CCDC12: variants seen among roughly 807,000 people sequenced by gnomAD.
The protein encoded by CCDC12 is coiled-coil domain-containing protein 12.
In CCDC12, 28 loss-of-function variants were observed where a neutral mutation model predicts 25.7. That is an observed-to-expected ratio of 1.09 (90% confidence interval 0.81 to 1.50). The LOEUF is 1.50. Among genes scored for constraint, CCDC12 ranks in the 40% most tolerant of loss-of-function variants. CCDC12 has a pLI of 0.00. For synonymous variants in CCDC12, 75 were observed against 87.7 expected (o/e 0.86, Z 0.81); for missense variants, 198 against 210.0 (o/e 0.94, Z 0.35).
chr3:46,946,224 C>T (rs2033901600), intron 1 of CCDC12, among the ~76,000 whole-genome samples: 1 of 152,230 alleles, frequency 6.6e-6, no homozygotes, highest in Non-Finnish European at 1.5e-5. Flanking sequence ...TGGGCCAGGT[C>T]TACCTTGGGC....
intron 1 of CCDC12, among the ~76,000 whole-genome samples, chr3:46,961,036 G>A (rs371189987): frequency 4.6e-5 from 7 of 151,870 alleles, no homozygotes; most frequent in African/African-American, 1.7e-4. Flanking sequence ...GTACTATTGT[G>A]GGGGGAAGTG....
chr3:46,928,596 C>T (rs1346933841), intron 2 of CCDC12, among the ~76,000 whole-genome samples: 5 of 152,136 alleles, frequency 3.3e-5, no homozygotes. Flanking sequence ...TTCTCAACTG[C>T]AACTATGGAA....
At chr3:46,963,648 G>A (rs1322162573) in intron 1 of CCDC12, among the ~76,000 whole-genome samples, 1 of 152,140 alleles carries the variant, frequency 6.6e-6, no homozygotes. Context: ...GGTGGAGACC[G>A]GGTTTCGCTG....
intron 3 of CCDC12, chr3:46,924,117 A>C (rs560571004): frequency 1.3e-5 from 2 of 156,412 alleles, no homozygotes; most frequent in African/African-American, 4.8e-5. Context: ...GGGCACAGGC[A>C]CCTCCCAGCT....
chr3:46,970,840 A>G (rs1410321798), intron 1 of CCDC12, among the ~76,000 whole-genome samples: 1 of 152,160 alleles, frequency 6.6e-6, no homozygotes, highest in Non-Finnish European at 1.5e-5. Flanking sequence ...CCAGAGTTTC[A>G]TCCACACAGC....
intron 1 of CCDC12, among the ~76,000 whole-genome samples, chr3:46,955,159 G>A (rs1189352880): frequency 1.3e-5 from 2 of 152,106 alleles, no homozygotes; most frequent in African/African-American, 2.4e-5. Context: ...TGTTAGCATC[G>A]CCACAGCCTG....
At chr3:46,977,217 G>T (rs369759806), upstream of CCDC12, among the ~76,000 whole-genome samples, 4 of 152,152 alleles carry the variant, frequency 2.6e-5, no homozygotes, top group Admixed American at 1.3e-4. Flanking sequence ...GCTCACGCCT[G>T]TAATCCCAGC....
At chr3:46,968,928 T>C in intron 1 of CCDC12, among the ~76,000 whole-genome samples, 1 of 152,198 alleles carries the variant, frequency 6.6e-6, no homozygotes, top group Non-Finnish European at 1.5e-5. Flanking sequence ...GCTTCAGGGA[T>C]GGAACACGAT....
intron 2 of CCDC12, among the ~76,000 whole-genome samples, chr3:46,938,431 G>C (rs2033543231): frequency 2.0e-5 from 3 of 151,558 alleles, no homozygotes; most frequent in African/African-American, 7.3e-5. Context: ...GAAAAGTCCG[G>C]AGAATAACCT....
At position 46,921,986 on chromosome 3, in the gene CCDC12, G is replaced by T. The variant is rs1024784174; in HGVS notation, c.*71C>A. On this transcript the variant is annotated 3_prime_UTR_variant, in exon 7 of 7. Transcript: ENST00000683445. The stretch of plus-strand genomic sequence containing the variant: ...CAAACTGGAGGTGATGGCAAGCCTA[G>T]CCCCCATCCCTGCCCAAGACCATCC... 2.0e-6 allele frequency: 3 copies of T among 1,533,702 alleles called. No individual in the cohort carries two copies. The highest frequency in any genetic ancestry group is 2.7e-6 in the Non-Finnish European group (3 of 1,112,396).
chr3:46,938,870 A>G (rs1409049578), intron 2 of CCDC12, among the ~76,000 whole-genome samples: 1 of 152,024 alleles, frequency 6.6e-6, no homozygotes, highest in Non-Finnish European at 1.5e-5. Context: ...GAAAAAAAAA[A>G]TCACACATCA....
intron 1 of CCDC12, among the ~76,000 whole-genome samples, chr3:46,957,295 T>C (rs1302855156): frequency 2.0e-5 from 3 of 152,198 alleles, no homozygotes; most frequent in South Asian, 4.1e-4. Flanking sequence ...CTAACTGTAG[T>C]ATCTAGTACT....
At chr3:46,931,382 G>C (rs1284563284) in intron 2 of CCDC12, among the ~76,000 whole-genome samples, 1 of 152,208 alleles carries the variant, frequency 6.6e-6, no homozygotes, top group Non-Finnish European at 1.5e-5. Context: ...TATAGAACCA[G>C]AGTAGAGTTC....
intron 1 of CCDC12, among the ~76,000 whole-genome samples, chr3:46,959,420 G>A (rs1362509063): frequency 2.0e-5 from 3 of 152,170 alleles, no homozygotes; most frequent in African/African-American, 7.2e-5. Flanking sequence ...CACAGAGTAC[G>A]TCCTCAGTCA....
At chr3:46,958,349 A>G (rs1380340157) in intron 1 of CCDC12, among the ~76,000 whole-genome samples, 1 of 152,226 alleles carries the variant, frequency 6.6e-6, no homozygotes, top group Non-Finnish European at 1.5e-5. Flanking sequence ...GTTATAGACT[A>G]GAAGAAGTTA....
chr3:46,978,663 C>T (rs2035092671), upstream of CCDC12, among the ~76,000 whole-genome samples: 2 of 151,964 alleles, frequency 1.3e-5, no homozygotes, highest in African/African-American at 4.8e-5. Context: ...CTCATTTGGT[C>T]AACTTGGGCC....
chr3:46,942,413 T>C (rs2107141255), intron 1 of CCDC12, among the ~76,000 whole-genome samples: 1 of 152,382 alleles, frequency 6.6e-6, no homozygotes, highest in East Asian at 1.9e-4. Context: ...GAGAGATCTG[T>C]GAGCTCCTTC....
chr3:46,971,651 T>C (rs2034806065), intron 1 of CCDC12, among the ~76,000 whole-genome samples: 1 of 152,000 alleles, frequency 6.6e-6, no homozygotes, highest in Non-Finnish European at 1.5e-5. Context: ...TATAGTCTGG[T>C]GAGAGTTAGG....
upstream of CCDC12, among the ~76,000 whole-genome samples, chr3:46,978,983 A>C (rs1395424042): frequency 6.6e-6 from 1 of 152,178 alleles, no homozygotes; most frequent in Non-Finnish European, 1.5e-5. Context: ...ACTCTGTCTC[A>C]AAAACAAACA....
Sources: gnomAD v4.1 joint callset for allele counts (sites outside exome capture counted in the v4.1 genomes callset) on GRCh38, gnomAD v4.1.1 for gene constraint, MANE v1.5 for transcripts, NCBI Gene and HGNC (gene_info 2026-07-23, HGNC 2026-07-21) for gene names.